SH3TC2: variants seen among roughly 807,000 people sequenced by gnomAD.
SH3TC2 encodes SH3 domain and tetratricopeptide repeat-containing protein 2.
Under a neutral mutation model 124.5 loss-of-function variants are expected in SH3TC2, and 87 were observed. The observed-to-expected ratio is 0.70, with a 90% CI of 0.59 to 0.84. The LOEUF (loss-of-function observed/expected upper bound fraction) is 0.84, where lower values mean the gene tolerates loss of function less well. SH3TC2 is among the 40% of genes least tolerant of loss of function. The pLI, the probability that SH3TC2 is intolerant of heterozygous loss-of-function variation, is 0.00. For missense variants in SH3TC2, 1,536 were observed against 1,566.4 expected (o/e 0.98, Z 0.33); for synonymous variants, 634 against 628.5 (o/e 1.01, Z -0.13).
chr5:149,026,993 C>T lies in SH3TC2; in HGVS notation c.2739G>A (p.Lys913=). 1.2e-6 allele frequency: 2 copies of T among 1,614,172 alleles called. No homozygotes were observed. Among genetic ancestry groups the T allele is most frequent in the South Asian group, 1.1e-5 (1 of 91,080 alleles). ...CCTGTACTAATTCCATGTCTGTCTC[C>T]TTACTGGCCTGAAGTTCACAATAGA... ...VRLYCELQAS[K]ETDMELVQVF... The change falls in exon 11 of 17, where the codon AAG becomes AAA. Residue 913 remains lysine, a synonymous_variant. Transcript: ENST00000515425.
rs554113910 is a variant in SH3TC2 at position 148,992,794 on chromosome 5, G to A, written c.*11917C>T. Reference sequence around the variant, plus strand: ...CACTGCTCTTTAACTACATCACACTGAGCTAACTCATCCCTGCAACATGCA... The same window carrying A: ...CACTGCTCTTTAACTACATCACACTAAGCTAACTCATCCCTGCAACATGCA... On this transcript the variant is annotated 3_prime_UTR_variant, in exon 17 of 17. Transcript: ENST00000515425. 6.6e-6 allele frequency among the ~76,000 whole-genome samples: 1 copy of A among 152,124 alleles called. No individual in the cohort carries two copies. The highest frequency in any genetic ancestry group is 2.4e-5 in the African/African-American group (1 of 41,514).
rs1753458002 is a variant in SH3TC2, at chr5:148,993,723, G to A, written c.*10988C>T. ...ATTTACAGATGATGCTCTGACAAGG[G>A]AGGCAGACTGAGACCATCACTGTCA... On this transcript the variant is annotated 3_prime_UTR_variant, in exon 17 of 17. Coordinates refer to ENST00000515425, the MANE Select transcript of SH3TC2 (RefSeq NM_024577.4). Among the ~76,000 whole-genome samples, 1 of 152,152 alleles carries A rather than the reference G, an allele frequency of 6.6e-6. No homozygotes were observed. The highest frequency in any genetic ancestry group is 1.5e-5 in the Non-Finnish European group (1 of 68,036).
Position 148,985,131 on chromosome 5 carries a change from T to G in SH3TC2, c.*19580A>C. Among the ~76,000 whole-genome samples, 1 of 120,828 alleles carries G rather than the reference T, an allele frequency of 8.3e-6. No individual in the cohort carries two copies. The highest frequency in any genetic ancestry group is 1.8e-5 in the Non-Finnish European group (1 of 55,958). 79.3% of individuals were successfully genotyped at this position (120,828 alleles called of 152,430 possible). A position where few individuals can be genotyped will look rare whatever the true frequency, so the allele number is the denominator to read the frequency against. ...TCAGAAAACAAACACTGAATAAGAA[T>G]GAGCTACTTTTCTGGAAAAAAAAAA... is the stretch of plus-strand genomic sequence containing the variant. On this transcript the variant is annotated 3_prime_UTR_variant, in exon 17 of 17. Transcript: ENST00000515425.
intron 9 of SH3TC2, among the ~76,000 whole-genome samples, chr5:149,029,179 A>T (rs1754138735): frequency 6.6e-6 from 1 of 152,216 alleles, no homozygotes; most frequent in African/African-American, 2.4e-5. Flanking sequence ...AATGTATCAC[A>T]TCCTTCCTTC....
chr5:149,004,686 A>G lies in SH3TC2; in HGVS notation c.*25T>C, dbSNP rs1166829535. ...TGGGGTCAGAGTCTGGCCATGCCAA[A>G]TGTCCAGAGACAGGACAGCTTTCCT... On this transcript the variant is annotated 3_prime_UTR_variant, in exon 17 of 17. Transcript: ENST00000515425. The G allele has an allele frequency of 6.2e-7, 1 of 1,611,684 alleles. No homozygotes were observed. Among genetic ancestry groups the G allele is most frequent in the South Asian group, 1.1e-5 (1 of 90,854 alleles).
intron 7 of SH3TC2, among the ~76,000 whole-genome samples, chr5:149,039,941 G>C (rs998635376): frequency 6.6e-6 from 1 of 152,154 alleles, no homozygotes; most frequent in Admixed American, 6.5e-5. Context: ...TTTGTGGTAG[G>C]AGTGTGTGGG....
intron 1 of SH3TC2, chr5:149,062,228 C>T: frequency 2.3e-6 from 1 of 426,968 alleles, no homozygotes; most frequent in Non-Finnish European, 4.7e-6. Context: ...CCCACATTTC[C>T]CCAAAGCCAC....
At chr5:149,039,240 T>C (rs977313071) in intron 7 of SH3TC2, among the ~76,000 whole-genome samples, 1 of 152,204 alleles carries the variant, frequency 6.6e-6, no homozygotes, top group Non-Finnish European at 1.5e-5. Flanking sequence ...AAAGTACAAT[T>C]TGCACTCACT....
At position 149,030,571 on chromosome 5, in the gene SH3TC2, C is replaced by A. The variant is rs116052670; in HGVS notation, c.1135+983G>T. On this transcript the variant is annotated intron_variant, in intron 9 of 16. Transcript: ENST00000515425. ...TTACAACTCTAGCTTCCTGCTCAAC[C>A]TCATAAGGCAATATGATCTGCTTGT... is the stretch of plus-strand genomic sequence containing the variant. Among the ~76,000 whole-genome samples the A allele has an allele frequency of 2.4e-3, 366 of 152,368 alleles. 1 individual carries two copies. The highest frequency in any genetic ancestry group is 8.5e-3 in the African/African-American group (353 of 41,598).
Position 149,041,342 on chromosome 5 carries a change from A to G in SH3TC2, c.731+74T>C. On this transcript the variant is annotated intron_variant, in intron 6 of 16. Coordinates refer to ENST00000515425, the MANE Select transcript of SH3TC2 (RefSeq NM_024577.4). The stretch of plus-strand genomic sequence containing the variant: ...CACACTATGGATGCCCATATCTGAA[A>G]GCATGCCTACTCTGTTCTGTGCAAA... 3 of 1,505,546 alleles carry G rather than the reference A, an allele frequency of 2.0e-6. No individual in the cohort carries two copies. In the Admixed American group the frequency reaches 5.5e-5, roughly 28 times the overall value. 93.3% of individuals were successfully genotyped at this position (1,505,546 alleles called of 1,614,324 possible). A position where few individuals can be genotyped will look rare whatever the true frequency, so the allele number is the denominator to read the frequency against.
intron 8 of SH3TC2, among the ~76,000 whole-genome samples, chr5:149,035,238 A>T (rs1180378407): frequency 6.6e-6 from 1 of 152,218 alleles, no homozygotes; most frequent in Non-Finnish European, 1.5e-5. Flanking sequence ...ATGTTTTCTA[A>T]CTGTAATACT....
chr5:149,037,979 T>C (rs1754310728), intron 8 of SH3TC2, among the ~76,000 whole-genome samples: 1 of 152,202 alleles, frequency 6.6e-6, no homozygotes, highest in South Asian at 2.1e-4. Flanking sequence ...AGGGGCCCTG[T>C]GGTTAGACAG....
intron 1 of SH3TC2, chr5:149,062,473 C>A: frequency 4.2e-6 from 2 of 474,572 alleles, no homozygotes; most frequent in Non-Finnish European, 8.7e-6. Flanking sequence ...CAACTTGATG[C>A]ACACACTCAC....
rs189059447 is a variant in SH3TC2, at chr5:148,993,122, G to A, written c.*11589C>T. On this transcript the variant is annotated 3_prime_UTR_variant, in exon 17 of 17. Coordinates refer to ENST00000515425, the MANE Select transcript of SH3TC2 (RefSeq NM_024577.4). ...GGTGATTAGGCATTTGTCCCTCACC[G>A]TTTCGATTGAAATAATCAGTTCAAA... Among the ~76,000 whole-genome samples the A allele has an allele frequency of 6.9e-4, 105 of 152,234 alleles. No homozygotes were observed. The highest frequency in any genetic ancestry group is 1.3e-3 in the African/African-American group (52 of 41,542).
chr5:149,061,697 G>A (rs1754752018), intron 1 of SH3TC2, among the ~76,000 whole-genome samples: 1 of 152,100 alleles, frequency 6.6e-6, no homozygotes, highest in Admixed American at 6.5e-5. Flanking sequence ...GATGACAACT[G>A]CATAACTAGA....
rs1754195477 is a variant in SH3TC2 at position 149,031,656 on chromosome 5, C to T, written c.1033G>A (p.Glu345Lys). Reference sequence around the variant, plus strand: ...CCCAGGGCCAACAGGGAGCATCTCTCCTCATCACTGAGAAAGGCAGAGTTC... The same window carrying T: ...CCCAGGGCCAACAGGGAGCATCTCTTCTCATCACTGAGAAAGGCAGAGTTC... Reference protein sequence around the residue: ...SRNSAFLSDEERCSLLALGSD... With the variant: ...SRNSAFLSDEKRCSLLALGSD... The change falls in exon 9 of 17, where the codon GAG (glutamate) becomes AAG (lysine). Residue 345 changes from glutamate (E) to lysine (K), a missense_variant. Physicochemically the swap from Glu to Lys is moderately conservative, Grantham distance 56 (BLOSUM62 1). Transcript: ENST00000515425. The T allele has an allele frequency of 6.2e-7, 1 of 1,614,014 alleles. No individual in the cohort carries two copies. Among genetic ancestry groups the T allele is most frequent in the African/African-American group, 1.3e-5 (1 of 74,910 alleles).
At chr5:149,018,165 G>A (rs939341371) in intron 12 of SH3TC2, among the ~76,000 whole-genome samples, 6 of 152,124 alleles carry the variant, frequency 3.9e-5, no homozygotes, top group Non-Finnish European at 7.3e-5. Flanking sequence ...ACGTCAGAGG[G>A]TGGTCCTGAG....
At chr5:149,053,051 A>G (rs2127403630) in intron 1 of SH3TC2, among the ~76,000 whole-genome samples, 1 of 152,326 alleles carries the variant, frequency 6.6e-6, no homozygotes, top group Middle Eastern at 3.4e-3. Flanking sequence ...CAAGAACTGT[A>G]CCATGGAGTC....
In SH3TC2 at chr5:148,996,749, A is replaced by G. The variant is rs1022071004; in HGVS notation, c.*7962T>C. 2.6e-5 allele frequency among the ~76,000 whole-genome samples: 4 copies of G among 152,194 alleles called. No individual in the cohort carries two copies. The highest frequency in any genetic ancestry group is 9.7e-5 in the African/African-American group (4 of 41,442). On this transcript the variant is annotated 3_prime_UTR_variant, in exon 17 of 17. Coordinates refer to ENST00000515425, the MANE Select transcript of SH3TC2 (RefSeq NM_024577.4). ...ATGTGCAAGAAAGTTCAATAACCAA[A>G]AAAGTCACCTTCACACATATTTGGC...
Sources: gnomAD v4.1 joint callset for allele counts (sites outside exome capture counted in the v4.1 genomes callset) on GRCh38, gnomAD v4.1.1 for gene constraint, MANE v1.5 for transcripts, NCBI Gene and HGNC (gene_info 2026-07-23, HGNC 2026-07-21) for gene names.